The following STK3 variants were observed in gnomAD, a reference collection of about 807,000 sequenced individuals.
The protein encoded by STK3 is serine/threonine-protein kinase 3.
STK3 carries 41 observed loss-of-function variants against 58.0 expected under a neutral mutation model. That is an observed-to-expected ratio of 0.71 (90% CI 0.55 to 0.92). The LOEUF is 0.92. Among genes scored for constraint, STK3 ranks in the 40% least tolerant of loss-of-function variants. The pLI is 0.00. For missense variants in STK3, 479 were observed against 602.7 expected, an observed-to-expected ratio of 0.79 and a Z score of 2.15; for synonymous variants, 170 against 191.0, an observed-to-expected ratio of 0.89 and a Z score of 0.91.
chr8:98,660,522 A>G (rs1416979654), intron 6 of STK3, among the ~76,000 whole-genome samples: 4 of 152,072 alleles, frequency 2.6e-5, no homozygotes, highest in Non-Finnish European at 5.9e-5. Flanking sequence ...TACAGGTAAA[A>G]CATGTATGTT....
the STK3 span, among the ~76,000 whole-genome samples, chr8:98,358,918 C>G: frequency 6.6e-6 from 1 of 152,166 alleles, no homozygotes; most frequent in Non-Finnish European, 1.5e-5. Flanking sequence ...AGAGCCACCC[C>G]TGAGCTGGAC....
chr8:98,720,277 A>G (rs1827302684), intron 4 of STK3, among the ~76,000 whole-genome samples: 1 of 152,240 alleles, frequency 6.6e-6, no homozygotes, highest in Non-Finnish European at 1.5e-5. Flanking sequence ...GTAAGTAAGC[A>G]GAAACACTTA....
intron 3 of STK3, among the ~76,000 whole-genome samples, chr8:98,843,939 C>T (rs1393248723): frequency 6.6e-6 from 1 of 152,142 alleles, no homozygotes; most frequent in Admixed American, 6.5e-5. Context: ...GTGGGAGTAT[C>T]GCTTGAGCCC....
intron 4 of STK3, among the ~76,000 whole-genome samples, chr8:98,725,637 C>T (rs1404956999): frequency 6.6e-6 from 1 of 152,188 alleles, no homozygotes; most frequent in Admixed American, 6.5e-5. Flanking sequence ...AGATAAGACA[C>T]AATGATCTTT....
At chr8:98,468,906 C>T (rs1428859142) in intron 10 of STK3, among the ~76,000 whole-genome samples, 2 of 151,956 alleles carry the variant, frequency 1.3e-5, no homozygotes, top group Admixed American at 6.6e-5. Context: ...GTCAAGAGAT[C>T]GAGACCATCC....
At chr8:98,799,155 A>C (rs117388415) in intron 1 of STK3, among the ~76,000 whole-genome samples, 2,339 of 152,330 alleles carry the variant, frequency 0.015, 26 homozygotes, top group Middle Eastern at 0.031. Flanking sequence ...AAGTTTAGGC[A>C]AGAGCATAAT....
At chr8:98,411,241 C>T (rs1818052350) in intron 3 of STK3, among the ~76,000 whole-genome samples, 1 of 152,202 alleles carries the variant, frequency 6.6e-6, no homozygotes. Flanking sequence ...TTTTGCATTG[C>T]TCTAACTGCT....
At chr8:98,838,988 TTGTGTGTGTGTGTG>T (rs35564732) in intron 3 of STK3, among the ~76,000 whole-genome samples, 1 of 144,982 alleles carries the variant, frequency 6.9e-6, no homozygotes, top group Admixed American at 7.0e-5. Flanking sequence ...TTTGTTTGTT[TTGTGTGTGTGTGTG>T]TGTGTGTGTG....
chr8:98,531,205 A>G (rs1826148510), intron 9 of STK3, among the ~76,000 whole-genome samples: 1 of 152,246 alleles, frequency 6.6e-6, no homozygotes, highest in Non-Finnish European at 1.5e-5. Flanking sequence ...AGCAATCATT[A>G]TTTATGGCAG....
downstream of STK3, among the ~76,000 whole-genome samples, chr8:98,453,305 T>C (rs1229951626): frequency 2.5e-4 from 38 of 151,790 alleles, 1 homozygote; most frequent in Admixed American, 2.4e-3. Context: ...GTCAGGCTGG[T>C]CTCGAACTCC....
intron 6 of STK3, among the ~76,000 whole-genome samples, chr8:98,627,759 A>C (rs760895775): frequency 5.9e-5 from 9 of 152,174 alleles, no homozygotes; most frequent in Admixed American, 2.0e-4. Context: ...AAGCTAACAC[A>C]CACACAGCAA....
intron 3 of STK3, among the ~76,000 whole-genome samples, chr8:98,860,562 C>G (rs1836893572): frequency 6.6e-6 from 1 of 151,986 alleles, no homozygotes; most frequent in African/African-American, 2.4e-5. Context: ...CATAGCCCAA[C>G]AGAAAAAAAG....
chr8:98,931,678 G>A (rs776298866), intron 1 of STK3, among the ~76,000 whole-genome samples: 2 of 152,048 alleles, frequency 1.3e-5, no homozygotes, highest in Non-Finnish European at 2.9e-5. Flanking sequence ...GACTGGCCCC[G>A]CCCTAAATCA....
intron 1 of STK3, among the ~76,000 whole-genome samples, chr8:98,903,550 CTTCTTCCTTTTT>C (rs1206865576): frequency 0.013 from 235 of 18,414 alleles, 2 homozygotes; most frequent in Non-Finnish European, 0.017. Context: ...TCTTCTTCTT[CTTCTTCCTTTTT>C]TTTTTTTTAA....
chr8:98,755,414 A>T (rs1306863422), intron 3 of STK3, among the ~76,000 whole-genome samples: 1 of 152,212 alleles, frequency 6.6e-6, no homozygotes, highest in African/African-American at 2.4e-5. Context: ...ACTGGCTGTG[A>T]CTTTATTTTG....
intron 10 of STK3, among the ~76,000 whole-genome samples, chr8:98,485,130 A>G (rs993633875): frequency 6.6e-6 from 1 of 152,148 alleles, no homozygotes; most frequent in African/African-American, 2.4e-5. Flanking sequence ...AATCCCAGCC[A>G]CTTGGGAGGC....
chr8:98,580,568 T>C (rs1339328213), intron 7 of STK3, among the ~76,000 whole-genome samples: 1 of 152,222 alleles, frequency 6.6e-6, no homozygotes, highest in Admixed American at 6.5e-5. Context: ...TACATGTCAG[T>C]AGATAGCATC....
At chr8:98,575,031 G>T (rs1008559428) in intron 8 of STK3, among the ~76,000 whole-genome samples, 1 of 152,096 alleles carries the variant, frequency 6.6e-6, no homozygotes, top group Non-Finnish European at 1.5e-5. Context: ...TGGTGGGGGT[G>T]AGGTAAGAAA....
chr8:98,768,827 T>G (rs1380393144), intron 2 of STK3, among the ~76,000 whole-genome samples: 1 of 152,244 alleles, frequency 6.6e-6, no homozygotes, highest in East Asian at 1.9e-4. Context: ...CAGATACAGT[T>G]GTAGCAGATG....
Sources: allele counts gnomAD v4.1 joint callset (sites outside exome capture counted in the v4.1 genomes callset), GRCh38; gene constraint gnomAD v4.1.1; transcripts MANE v1.5; gene names NCBI Gene and HGNC (gene_info 2026-07-23, HGNC 2026-07-21).